The following DBT variants were observed in gnomAD, a reference collection of about 807,000 sequenced individuals.
DBT encodes lipoamide acyltransferase component of branched-chain alpha-keto acid dehydrogenase complex, mitochondrial.
Under a neutral mutation model 51.3 loss-of-function variants are expected in DBT, and 40 were observed. That is an observed-to-expected ratio of 0.78 (90% CI 0.61 to 1.02). DBT has a LOEUF of 1.02. Ranked by LOEUF, DBT falls within the 50% of genes least tolerant of loss-of-function variation. The pLI is 0.00. For missense variants in DBT, 510 were observed against 580.2 expected (o/e 0.88, Z 1.24); for synonymous variants, 181 against 190.4 (o/e 0.95, Z 0.41).
chr1:100,206,885 A>G (rs945736870), intron 8 of DBT, among the ~76,000 whole-genome samples: 2 of 152,188 alleles, frequency 1.3e-5, no homozygotes, highest in Non-Finnish European at 2.9e-5. Flanking sequence ...TGAGTTCAAG[A>G]CCAGCCTGGC....
At chr1:100,235,386 A>C in intron 3 of DBT, 50 bp downstream of exon 3, 1 of 895,990 alleles carries the variant, frequency 1.1e-6, no homozygotes, top group Non-Finnish European at 1.8e-6. Flanking sequence ...AGTTATTTTT[A>C]CTCAAATTAT....
intron 5 of DBT, 35 bp downstream of exon 5, chr1:100,218,591 A>T: frequency 6.2e-7 from 1 of 1,611,824 alleles, no homozygotes; most frequent in East Asian, 2.2e-5. Flanking sequence ...TACACTTCCT[A>T]TACAATCTCA....
intron 1 of DBT, among the ~76,000 whole-genome samples, chr1:100,245,971 A>G (rs1173186194): frequency 6.6e-6 from 1 of 151,898 alleles, no homozygotes; most frequent in Non-Finnish European, 1.5e-5. Context: ...AATAAATAAA[A>G]TAAAAAATTA....
At chr1:100,235,589 G>C in intron 2 of DBT, 78 bp from the exon 3 acceptor site, 1 of 803,476 alleles carries the variant, frequency 1.2e-6, no homozygotes, top group Non-Finnish European at 2.1e-6. Flanking sequence ...TAAAATTAGA[G>C]AATGTTCTCA....
At chr1:100,203,539 C>T (rs1182312124) in intron 10 of DBT, among the ~76,000 whole-genome samples, 1 of 152,184 alleles carries the variant, frequency 6.6e-6, no homozygotes. Context: ...GAGCTGGTAC[C>T]ATTCCTTCTG....
intron 4 of DBT, among the ~76,000 whole-genome samples, chr1:100,226,979 C>T (rs1026981491): frequency 3.3e-5 from 5 of 152,116 alleles, no homozygotes; most frequent in Non-Finnish European, 5.9e-5. Flanking sequence ...TCACAATTAT[C>T]CAAACTTGAG....
At chr1:100,199,942 CCT>C (rs1317762047) in intron 10 of DBT, among the ~76,000 whole-genome samples, 6 of 152,088 alleles carry the variant, frequency 3.9e-5, no homozygotes, top group Admixed American at 6.5e-5. Flanking sequence ...CCACAAGGGC[CCT>C]GAGTTTCAAG....
At chr1:100,211,039 C>T in intron 7 of DBT, 1 of 771,558 alleles carries the variant, frequency 1.3e-6, no homozygotes, top group Non-Finnish European at 2.4e-6. Flanking sequence ...ATGATACAGA[C>T]CAGCCAAAGT....
chr1:100,248,768 A>G (rs1443764868), intron 1 of DBT, among the ~76,000 whole-genome samples: 1 of 152,308 alleles, frequency 6.6e-6, no homozygotes, highest in South Asian at 2.1e-4. Flanking sequence ...TCTCCTGGTT[A>G]TCTCTTACTT....
In DBT at chr1:100,210,710, T is replaced by C; in HGVS notation, c.1001A>G (p.Gln334Arg). Reference protein sequence around the residue: ...ILNASVDENCQNITYKASHNI... With the variant: ...ILNASVDENCRNITYKASHNI... ...ATAGCCAACCTTATATGTTATATTC[T>C]GGCAGTTTTCATCCACAGAAGCGTT... The change falls in exon 8 of 11, where the codon CAG becomes CGG. Residue 334 changes from glutamine (Q) to arginine (R), a missense_variant. By Grantham distance (43) the Gln-to-Arg change is conservative (BLOSUM62 1). Transcript: ENST00000370132. 1.2e-6 allele frequency: 2 copies of C among 1,613,220 alleles called. No individual in the cohort carries two copies. Among genetic ancestry groups the C allele is most frequent in the Non-Finnish European group, 1.7e-6 (2 of 1,179,242 alleles).
chr1:100,232,159 G>C (rs992607746), intron 3 of DBT, among the ~76,000 whole-genome samples: 2 of 152,140 alleles, frequency 1.3e-5, no homozygotes, highest in Admixed American at 6.5e-5. Context: ...TAAGCGTTTC[G>C]AGCATGTTTA....
At chr1:100,249,007 T>G in intron 1 of DBT, 1 of 578,898 alleles carries the variant, frequency 1.7e-6, no homozygotes, top group Non-Finnish European at 2.2e-6. Flanking sequence ...TATTTGTATC[T>G]CCAGTGCCTA....
chr1:100,225,052 T>TATATATACACAC (rs1185819980), intron 4 of DBT, among the ~76,000 whole-genome samples: 3 of 79,034 alleles, frequency 3.8e-5, no homozygotes, highest in African/African-American at 1.5e-4. Flanking sequence ...AATATATATA[T>TATATATACACAC]ACACACACAC....
rs547937217 is a variant in DBT at position 100,217,012 on chromosome 1, T to C, written c.556-813A>G. Among the ~76,000 whole-genome samples the C allele has an allele frequency of 3.9e-5, 6 of 152,300 alleles. No individual in the cohort carries two copies. In the South Asian group the frequency reaches 1.2e-3, roughly 32 times the overall value. ...AACACTAAGTTTGTAACAAATGGAC[T>C]ATGAAAATTTAAACAAATAATTTTT... On this transcript the variant is annotated intron_variant, in intron 5 of 10. Transcript: ENST00000370132.
rs1005406168 is a variant in DBT at position 100,221,248 on chromosome 1, G to C, written c.434-2501C>G. On this transcript the variant is annotated intron_variant, in intron 4 of 10. Transcript: ENST00000370132. ...AGTCACTCATATATTATTTCTAATA[G>C]TCATGTAGTTGTTGGAAGAAAGCTG... 2.6e-5 allele frequency among the ~76,000 whole-genome samples: 4 copies of C among 152,124 alleles called. No homozygotes were observed. The East Asian group carries it at 7.7e-4, about 29-fold the overall frequency.
At position 100,218,734 on chromosome 1, in the gene DBT, ATCT is replaced by A. The variant is rs761922057; in HGVS notation, c.444_446del (p.Glu148del). 34 of 1,613,920 alleles carry A rather than the reference ATCT, an allele frequency of 2.1e-5. No individual in the cohort carries two copies. The highest frequency in any genetic ancestry group is 2.6e-5 in the Non-Finnish European group (31 of 1,179,892). On this transcript the variant is annotated inframe_deletion, in exon 5 of 11. Coordinates refer to ENST00000370132, the MANE Select transcript of DBT (RefSeq NM_001918.5). ...GAGACACTGCAGGAGTTTCAACAACATCTTCTTCTGAATCTGGTAACAAGGTAA... is the reference window on the plus strand; with the variant it reads ...GAGACACTGCAGGAGTTTCAACAACATCTTCTGAATCTGGTAACAAGGTAA...
chr1:100,213,282 GC>G, intron 7 of DBT: 1 of 1,377,890 alleles, frequency 7.3e-7, no homozygotes, highest in Non-Finnish European at 9.3e-7. Context: ...ACAGAGCCGA[GC>G]CGGGCCGCCA....
intron 4 of DBT, among the ~76,000 whole-genome samples, chr1:100,228,834 A>G (rs1022230061): frequency 1.3e-5 from 2 of 152,218 alleles, no homozygotes; most frequent in Non-Finnish European, 2.9e-5. Flanking sequence ...ATTGGACTAC[A>G]GCATATACAA....
intron 10 of DBT, among the ~76,000 whole-genome samples, chr1:100,201,505 C>A (rs1661432900): frequency 6.6e-6 from 1 of 151,996 alleles, no homozygotes; most frequent in Non-Finnish European, 1.5e-5. Flanking sequence ...GGAAAACTTC[C>A]CCGAACTAGC....
Sources: gnomAD v4.1 joint callset for allele counts (sites outside exome capture counted in the v4.1 genomes callset) on GRCh38, gnomAD v4.1.1 for gene constraint, MANE v1.5 for transcripts, NCBI Gene and HGNC (gene_info 2026-07-23, HGNC 2026-07-21) for gene names.